The following NDST4 variants were observed in gnomAD, a reference collection of about 807,000 sequenced individuals.
NDST4 encodes N-deacetylase and N-sulfotransferase 4, also known as N-heparan sulfate sulfotransferase 4.
In NDST4, 63 loss-of-function variants were observed where a neutral mutation model predicts 100.8. The observed-to-expected ratio is 0.62, with a 90% CI of 0.51 to 0.77. NDST4 has a LOEUF of 0.77. Ranked by LOEUF, NDST4 falls within the 30% of genes least tolerant of loss-of-function variation. The pLI is 0.00. For synonymous variants in NDST4, 377 were observed against 361.8 expected (o/e 1.04, Z -0.48); for missense variants, 943 against 1,018.4 (o/e 0.93, Z 1.01).
intron 8 of NDST4, among the ~76,000 whole-genome samples, chr4:114,849,777 G>T (rs190384882): frequency 6.7e-6 from 1 of 150,012 alleles, no homozygotes; most frequent in Admixed American, 6.5e-5. Flanking sequence ...ATACAAACTT[G>T]ATTAAAAGAA....
In NDST4 at chr4:115,086,837, C is replaced by T. The variant is rs189429675; in HGVS notation, c.-246-9555G>A. 6.1e-3 allele frequency among the ~76,000 whole-genome samples: 922 copies of T among 152,080 alleles called. 5 individuals are homozygous for T. Among genetic ancestry groups the T allele is most frequent in the Non-Finnish European group, 8.9e-3 (606 of 67,920 alleles). On this transcript the variant is annotated intron_variant, in intron 1 of 13. Coordinates refer to ENST00000264363, the MANE Select transcript of NDST4 (RefSeq NM_022569.3). ...TGCAAATTTCTATGCATTCATCTTG[C>T]TTATTAGAAAAACATGGGGATTTTG... is the stretch of plus-strand genomic sequence containing the variant.
At chr4:114,958,845 T>C (rs1333964424) in intron 4 of NDST4, among the ~76,000 whole-genome samples, 1 of 152,226 alleles carries the variant, frequency 6.6e-6, no homozygotes, top group Admixed American at 6.5e-5. Context: ...TTCTAAACTT[T>C]TATGCTCTGC....
At chr4:115,061,722 T>C (rs1728828498) in intron 2 of NDST4, among the ~76,000 whole-genome samples, 1 of 152,000 alleles carries the variant, frequency 6.6e-6, no homozygotes, top group Non-Finnish European at 1.5e-5. Flanking sequence ...CAAACCACCA[T>C]GGCACATGTA....
At chr4:114,996,846 T>C (rs1164087090) in intron 2 of NDST4, among the ~76,000 whole-genome samples, 1 of 152,102 alleles carries the variant, frequency 6.6e-6, no homozygotes, top group African/African-American at 2.4e-5. Flanking sequence ...TAATTTCTTT[T>C]TCATGTGTTC....
intron 2 of NDST4, among the ~76,000 whole-genome samples, chr4:115,022,257 T>C (rs1298709248): frequency 6.6e-6 from 1 of 151,532 alleles, no homozygotes; most frequent in African/African-American, 2.4e-5. Context: ...GCACGTTCCA[T>C]ATATATAAGT....
At chr4:114,900,233 C>T (rs60561114) in intron 6 of NDST4, among the ~76,000 whole-genome samples, 52 of 151,510 alleles carry the variant, frequency 3.4e-4, no homozygotes, top group African/African-American at 1.1e-3. Context: ...TTTTTCTCAG[C>T]GTAACTATAG....
At chr4:114,941,346 C>T (rs1359172324) in intron 4 of NDST4, among the ~76,000 whole-genome samples, 2 of 152,110 alleles carry the variant, frequency 1.3e-5, no homozygotes, top group East Asian at 3.9e-4. Flanking sequence ...CTCCCCTCCC[C>T]TCCCCAAAGT....
chr4:114,955,084 T>C (rs1464732548), intron 4 of NDST4, among the ~76,000 whole-genome samples: 1 of 152,196 alleles, frequency 6.6e-6, no homozygotes, highest in Admixed American at 6.5e-5. Flanking sequence ...CAAGTATTTC[T>C]AGCAGTGGGA....
chr4:115,056,749 T>C (rs1193432340), intron 2 of NDST4, among the ~76,000 whole-genome samples: 1 of 152,202 alleles, frequency 6.6e-6, no homozygotes, highest in Non-Finnish European at 1.5e-5. Flanking sequence ...AAGCAGTTTA[T>C]AGACTGTCAA....
At chr4:114,895,559 A>G (rs1241007175) in intron 6 of NDST4, among the ~76,000 whole-genome samples, 2 of 152,174 alleles carry the variant, frequency 1.3e-5, no homozygotes, top group South Asian at 2.1e-4. Flanking sequence ...CCAGAACTAC[A>G]AAGAGGAACT....
intron 9 of NDST4, among the ~76,000 whole-genome samples, chr4:114,846,743 T>C (rs1303418554): frequency 1.3e-5 from 2 of 152,168 alleles, no homozygotes; most frequent in African/African-American, 2.4e-5. Flanking sequence ...CCCTCAAATG[T>C]TCTAGAAATA....
chr4:115,088,493 G>T (rs1228420031), intron 1 of NDST4, among the ~76,000 whole-genome samples: 1 of 151,650 alleles, frequency 6.6e-6, no homozygotes, highest in African/African-American at 2.4e-5. Context: ...TAATCTTCAG[G>T]TATCTGAATG....
intron 2 of NDST4, among the ~76,000 whole-genome samples, chr4:115,005,830 C>T (rs1727401504): frequency 6.6e-6 from 1 of 151,688 alleles, no homozygotes; most frequent in East Asian, 1.9e-4. Context: ...GTCAGGAGTT[C>T]GAAACCAGCC....
In NDST4 at chr4:115,084,809, G is replaced by T. The variant is rs35104189; in HGVS notation, c.-246-7527C>A. ...CTGGATGTCCAGGCAAAAGTTTGAT[G>T]CAGGGGCAGAGCCTTCATGGAGAAC... On this transcript the variant is annotated intron_variant, in intron 1 of 13. Transcript: ENST00000264363. Among the ~76,000 whole-genome samples the T allele has an allele frequency of 8.7e-3, 1,327 of 152,266 alleles. 10 individuals are homozygous for T. Among genetic ancestry groups the T allele is most frequent in the Non-Finnish European group, 0.016 (1,082 of 68,016 alleles).
intron 6 of NDST4, among the ~76,000 whole-genome samples, chr4:114,876,815 A>T (rs1308426868): frequency 6.6e-6 from 1 of 152,188 alleles, no homozygotes; most frequent in African/African-American, 2.4e-5. Flanking sequence ...GTAACATATT[A>T]TTTGTTGAAT....
intron 1 of NDST4, among the ~76,000 whole-genome samples, chr4:115,107,654 T>C (rs1176763412): frequency 6.6e-6 from 1 of 152,050 alleles, no homozygotes; most frequent in Non-Finnish European, 1.5e-5. Context: ...GGCACTACTG[T>C]GGGGTCTTTA....
chr4:114,975,529 C>T (rs1482133856), intron 3 of NDST4, among the ~76,000 whole-genome samples: 1 of 152,054 alleles, frequency 6.6e-6, no homozygotes, highest in African/African-American at 2.4e-5. Flanking sequence ...CTGCTCATTT[C>T]CCAGTGGTTG....
chr4:115,084,003 G>C (rs1421324575), intron 1 of NDST4, among the ~76,000 whole-genome samples: 1 of 152,252 alleles, frequency 6.6e-6, no homozygotes, highest in Middle Eastern at 3.4e-3. Context: ...CATTGGAACT[G>C]GGTAACAGGC....
chr4:115,055,637 A>T (rs1448639742), intron 2 of NDST4, among the ~76,000 whole-genome samples: 1 of 152,140 alleles, frequency 6.6e-6, no homozygotes. Flanking sequence ...TTAACTTATT[A>T]CTGTGGCTCA....
Sources: allele counts gnomAD v4.1 joint callset (sites outside exome capture counted in the v4.1 genomes callset), GRCh38; gene constraint gnomAD v4.1.1; transcripts MANE v1.5; gene names NCBI Gene and HGNC (gene_info 2026-07-23, HGNC 2026-07-21).